The following NWD1 variants were observed in gnomAD, a reference collection of about 807,000 sequenced individuals.
The protein encoded by NWD1 is NACHT domain- and WD repeat-containing protein 1.
Under a neutral mutation model 135.1 loss-of-function variants are expected in NWD1, and 129 were observed. The observed-to-expected ratio is 0.96, with a 90% CI of 0.83 to 1.11. NWD1 has a LOEUF of 1.11. Among genes scored for constraint, NWD1 ranks in the 50% least tolerant of loss-of-function variants. The pLI is 0.00. For synonymous variants in NWD1, 773 were observed against 786.0 expected (o/e 0.98, Z 0.28); for missense variants, 1,740 against 1,851.3 (o/e 0.94, Z 1.10).
chr19:16,745,565 C>CA (rs575940399), intron 5 of NWD1, among the ~76,000 whole-genome samples: 2,175 of 103,628 alleles, frequency 0.021, 21 homozygotes, highest in African/African-American at 0.048. Flanking sequence ...CTCATCTCTA[C>CA]AAAAAAAAAA....
chr19:16,787,582 G>A (rs1845291131), intron 12 of NWD1, among the ~76,000 whole-genome samples: 1 of 152,076 alleles, frequency 6.6e-6, no homozygotes, highest in African/African-American at 2.4e-5. Flanking sequence ...AAAAGAGGCT[G>A]GGCACAGTGG....
chr19:16,738,746 T>G (rs994636636), intron 4 of NWD1, among the ~76,000 whole-genome samples: 18 of 139,446 alleles, frequency 1.3e-4, no homozygotes, highest in East Asian at 9.8e-4. Context: ...ATAATATATA[T>G]ATTATATATA....
At chr19:16,753,755 C>T (rs1968668601) in intron 6 of NWD1, among the ~76,000 whole-genome samples, 1 of 152,080 alleles carries the variant, frequency 6.6e-6, no homozygotes, top group Non-Finnish European at 1.5e-5. Flanking sequence ...GAGTAAGAAA[C>T]CTTGCCTTAG....
At chr19:16,793,024 G>A (rs1263292799) in intron 14 of NWD1, among the ~76,000 whole-genome samples, 1 of 150,758 alleles carries the variant, frequency 6.6e-6, no homozygotes, top group Non-Finnish European at 1.5e-5. Flanking sequence ...CAGCCTGAGT[G>A]ACAGAGCCAG....
chr19:16,721,487 A>C (rs1432069544), intron 1 of NWD1: 1 of 152,300 alleles, frequency 6.6e-6, no homozygotes, highest in Non-Finnish European at 1.5e-5. Context: ...AAGGAACAGA[A>C]ATTGTGGTGG....
intron 12 of NWD1, among the ~76,000 whole-genome samples, chr19:16,782,746 A>G (rs1268361102): frequency 6.6e-6 from 1 of 152,034 alleles, no homozygotes; most frequent in Non-Finnish European, 1.5e-5. Context: ...CTGTAGTCCC[A>G]GCTACAAGGA....
chr19:16,805,866 T>C (rs1421244494), intron 17 of NWD1, among the ~76,000 whole-genome samples: 2 of 151,436 alleles, frequency 1.3e-5, no homozygotes, highest in Non-Finnish European at 2.9e-5. Context: ...TTCTTTTTCT[T>C]TCTTTTCTTC....
In NWD1 at chr19:16,815,350, C is replaced by A. The variant is rs766791847; in HGVS notation, c.*311C>A. On this transcript the variant is annotated 3_prime_UTR_variant, in exon 19 of 19. Coordinates refer to ENST00000524140, the MANE Select transcript of NWD1 (RefSeq NM_001007525.5). ...TGTAAAAAAATAAAAATAAAAAAAC[C>A]CTGTGGGGGTATGGGGCTCCAGTGA... The A allele has an allele frequency of 8.4e-6, 6 of 714,656 alleles. No homozygotes were observed. The East Asian group carries it at 1.5e-4, about 18-fold the overall frequency. 44.3% of individuals were successfully genotyped at this position (714,656 alleles called of 1,614,324 possible).
At position 16,749,997 on chromosome 19, in the gene NWD1, C is replaced by T; in HGVS notation, c.1355C>T (p.Pro452Leu). The T allele has an allele frequency of 6.2e-7, 1 of 1,613,926 alleles. No individual in the cohort carries two copies. The highest frequency in any genetic ancestry group is 1.6e-4 in the Middle Eastern group (1 of 6,062). Residue 452 changes from proline (P) to leucine (L), a missense_variant, in exon 6 of 19, where the codon CCC becomes CTC. Coordinates refer to ENST00000524140, the MANE Select transcript of NWD1 (RefSeq NM_001007525.5). Reference sequence around the variant, plus strand: ...TCTGTCCGCCATGCTCGGAGGGTTCCCTGGCTGCCTCTCAACTGCCCCCCG... The same window carrying T: ...TCTGTCCGCCATGCTCGGAGGGTTCTCTGGCTGCCTCTCAACTGCCCCCCG... The part of the protein sequence containing the change: ...LDSVRHARRV[P>L]WLPLNCPPRV...
At chr19:16,761,403 G>A (rs538151876) in intron 7 of NWD1, among the ~76,000 whole-genome samples, 1 of 140,066 alleles carries the variant, frequency 7.1e-6, no homozygotes, top group African/African-American at 3.2e-5. Flanking sequence ...TCTTTTTGGA[G>A]TCTCTCTCTG....
In NWD1 at chr19:16,731,235, T is replaced by G. The variant is rs545716947; in HGVS notation, c.38T>G (p.Leu13Arg). Residue 13 changes from leucine (L) to arginine (R), a missense_variant, in exon 3 of 19, where the codon CTG (leucine) becomes CGG (arginine). By Grantham distance (102) the Leu-to-Arg change is moderately radical. Transcript: ENST00000524140. ...AAGCCCTGCAGAGCACTGCCTACCCTGAAGTGCCAGACCTTCTGCCAGAGG... is the reference window on the plus strand; with the variant it reads ...AAGCCCTGCAGAGCACTGCCTACCCGGAAGTGCCAGACCTTCTGCCAGAGG... Reference protein sequence around the residue: ...RGKPCRALPTLKCQTFCQRHG... With the variant: ...RGKPCRALPTRKCQTFCQRHG... 12 of 1,535,066 alleles carry G rather than the reference T, an allele frequency of 7.8e-6. No homozygotes were observed. The South Asian group carries it at 1.2e-4, about 15-fold the overall frequency.
At chr19:16,765,221 A>C in intron 10 of NWD1, 29 bp downstream of exon 10, 1 of 1,606,144 alleles carries the variant, frequency 6.2e-7, no homozygotes, top group Non-Finnish European at 8.5e-7. Context: ...GATAGGAGTG[A>C]CCAGGACGGG....
intron 6 of NWD1, among the ~76,000 whole-genome samples, chr19:16,755,315 A>G (rs1968748235): frequency 6.6e-6 from 1 of 152,116 alleles, no homozygotes; most frequent in Non-Finnish European, 1.5e-5. Flanking sequence ...TCTTGGGCTC[A>G]AGCGATCCTC....
rs1035228239 is a variant in NWD1 at position 16,815,446 on chromosome 19, A to G, written c.*407A>G. On this transcript the variant is annotated 3_prime_UTR_variant, in exon 19 of 19. Transcript: ENST00000524140. ...GGTGTATATCTGGACCCATGGCTTC[A>G]GATTATGGCTTCAGACCTTGTCTCT... The G allele has an allele frequency of 6.6e-6, 4 of 602,270 alleles. No individual in the cohort carries two copies. In the African/African-American group the frequency reaches 7.4e-5, roughly 11 times the overall value. The allele number at this position is 602,270 out of a possible 1,614,324, so 37.3% of individuals were successfully genotyped here.
Position 16,799,964 on chromosome 19 carries a change from G to T in NWD1, c.3538G>T (p.Gly1180Cys), listed in dbSNP as rs150477676. 1.2e-4 allele frequency: 188 copies of T among 1,613,994 alleles called. No individual in the cohort carries two copies. The highest frequency in any genetic ancestry group is 1.5e-4 in the Non-Finnish European group (176 of 1,180,020). ...GGCCCCCGTGAGCCTGCTGGCCCGC[G>T]GCGGGGCTTTGGTGGCATCTGCTTC... ...VGAPVSLLAR[G>C]GALVASASPQ... The change falls in exon 17 of 19, where the codon GGC (glycine) becomes TGC (cysteine). Residue 1180 changes from glycine to cysteine, a missense_variant. By Grantham distance (159) the Gly-to-Cys change is radical. Coordinates refer to ENST00000524140, the MANE Select transcript of NWD1 (RefSeq NM_001007525.5).
chr19:16,725,960 G>GTT (rs527696514), intron 2 of NWD1, among the ~76,000 whole-genome samples: 1 of 133,826 alleles, frequency 7.5e-6, no homozygotes, highest in South Asian at 2.4e-4. Context: ...TTTTTTGTTT[G>GTT]TTTTTTTTTG....
intron 2 of NWD1, among the ~76,000 whole-genome samples, chr19:16,730,556 A>G (rs1967517189): frequency 1.3e-5 from 2 of 151,872 alleles, no homozygotes; most frequent in African/African-American, 2.4e-5. Context: ...TCTACAAAAA[A>G]TTTAAAAAAA....
At chr19:16,762,620 A>G (rs1012963734) in intron 8 of NWD1, among the ~76,000 whole-genome samples, 1 of 152,170 alleles carries the variant, frequency 6.6e-6, no homozygotes, top group African/African-American at 2.4e-5. Flanking sequence ...AAAATCTTAT[A>G]TAACTGTTGT....
chr19:16,782,928 TCCTTCCTTC>T (rs1452739647), intron 12 of NWD1, among the ~76,000 whole-genome samples: 1 of 149,940 alleles, frequency 6.7e-6, no homozygotes, highest in Admixed American at 6.7e-5. Context: ...TTCCTTTCCT[TCCTTCCTTC>T]CCTTCCTTCC....
Sources: gnomAD v4.1 joint callset for allele counts (sites outside exome capture counted in the v4.1 genomes callset) on GRCh38, gnomAD v4.1.1 for gene constraint, MANE v1.5 for transcripts, NCBI Gene and HGNC (gene_info 2026-07-23, HGNC 2026-07-21) for gene names.